The following POU2F1 variants were observed in gnomAD, a reference collection of about 807,000 sequenced individuals.
POU2F1 encodes POU class 2 homeobox 1.
A neutral mutation model predicts 84.9 loss-of-function variants in POU2F1; 16 were observed. The observed-to-expected ratio is 0.19, with a 90% CI of 0.13 to 0.29. POU2F1 has a LOEUF of 0.29. POU2F1 is among the 10% of genes least tolerant of loss of function. POU2F1 has a pLI of 1.00. For missense variants in POU2F1, 738 were observed against 942.6 expected (o/e 0.78, Z 2.84); for synonymous variants, 368 against 368.3 (o/e 1.00, Z 0.01).
intron 1 of POU2F1, among the ~76,000 whole-genome samples, chr1:167,279,648 G>A (rs1339146191): frequency 2.0e-5 from 3 of 152,066 alleles, no homozygotes; most frequent in Admixed American, 1.3e-4. Context: ...AACCCTGGAG[G>A]CGGAGATTGC....
chr1:167,297,570 C>T (rs1347066332), intron 1 of POU2F1, among the ~76,000 whole-genome samples: 1 of 152,134 alleles, frequency 6.6e-6, no homozygotes, highest in Admixed American at 6.5e-5. Context: ...GATTTCACTG[C>T]CCAGAATTGA....
chr1:167,331,942 G>T (rs1434430055), intron 1 of POU2F1, among the ~76,000 whole-genome samples: 1 of 151,846 alleles, frequency 6.6e-6, no homozygotes, highest in Non-Finnish European at 1.5e-5. Flanking sequence ...GTTGGGGAGG[G>T]GAGTAAATTT....
intron 1 of POU2F1, among the ~76,000 whole-genome samples, chr1:167,240,519 G>A (rs911188273): frequency 6.6e-6 from 1 of 152,090 alleles, no homozygotes; most frequent in South Asian, 2.1e-4. Context: ...ATAGAGAAGG[G>A]ATTCCTGCTG....
At chr1:167,303,901 TATATC>T (rs1416620552) in intron 1 of POU2F1, among the ~76,000 whole-genome samples, 2 of 152,170 alleles carry the variant, frequency 1.3e-5, no homozygotes, top group Non-Finnish European at 2.9e-5. Flanking sequence ...TCTGTGATGA[TATATC>T]ATTAGCATTA....
At chr1:167,401,363 T>A in intron 12 of POU2F1, 88 bp from the exon 13 acceptor site, 3 of 862,718 alleles carry the variant, frequency 3.5e-6, no homozygotes, top group Non-Finnish European at 5.3e-6. Context: ...GTGTCTCAAT[T>A]CCAAGATCAA....
intron 1 of POU2F1, among the ~76,000 whole-genome samples, chr1:167,329,525 C>T (rs960262953): frequency 3.9e-5 from 6 of 152,008 alleles, no homozygotes; most frequent in South Asian, 2.1e-4. Context: ...CAGAGGGTAT[C>T]GTTAGTAAAT....
intron 8 of POU2F1, among the ~76,000 whole-genome samples, chr1:167,386,974 G>A (rs760998279): frequency 1.3e-5 from 2 of 152,208 alleles, no homozygotes; most frequent in Non-Finnish European, 2.9e-5. Context: ...ATTAGTAGCA[G>A]TTGTATGACT....
intron 1 of POU2F1, among the ~76,000 whole-genome samples, chr1:167,311,109 A>T (rs374401399): frequency 5.3e-5 from 8 of 152,220 alleles, no homozygotes; most frequent in African/African-American, 1.9e-4. Context: ...TAGAAGGCAT[A>T]TACCTATATA....
intron 1 of POU2F1, among the ~76,000 whole-genome samples, chr1:167,270,514 T>C (rs895594053): frequency 6.6e-6 from 1 of 152,180 alleles, no homozygotes; most frequent in Non-Finnish European, 1.5e-5. Flanking sequence ...TCTAAAGATG[T>C]AGCCAGGAAT....
At chr1:167,409,471 A>G (rs1256311058) in intron 13 of POU2F1, among the ~76,000 whole-genome samples, 1 of 152,242 alleles carries the variant, frequency 6.6e-6, no homozygotes, top group East Asian at 1.9e-4. Context: ...TAAATTGCCA[A>G]GTTGCCAAGA....
intron 13 of POU2F1, among the ~76,000 whole-genome samples, chr1:167,407,046 T>C (rs1243551161): frequency 6.6e-6 from 1 of 151,258 alleles, no homozygotes; most frequent in Non-Finnish European, 1.5e-5. Context: ...ATTTTATTAT[T>C]ATTATTATTT....
At chr1:167,340,793 A>G (rs1657797209) in intron 2 of POU2F1, among the ~76,000 whole-genome samples, 1 of 152,124 alleles carries the variant, frequency 6.6e-6, no homozygotes. Flanking sequence ...AGTTGAATAA[A>G]AGACTGATTT....
chr1:167,299,887 G>GGT (rs993492053), intron 1 of POU2F1, among the ~76,000 whole-genome samples: 3 of 152,122 alleles, frequency 2.0e-5, no homozygotes, highest in Admixed American at 1.3e-4. Context: ...TGATACAGTA[G>GGT]GTGTGAGGTA....
intron 1 of POU2F1, among the ~76,000 whole-genome samples, chr1:167,294,156 C>T (rs943140608): frequency 5.1e-5 from 7 of 137,312 alleles, no homozygotes; most frequent in Admixed American, 2.2e-4. Flanking sequence ...AGTGAAACCC[C>T]GTCTCTACTA....
intron 1 of POU2F1, among the ~76,000 whole-genome samples, chr1:167,302,433 G>A (rs1016757284): frequency 6.6e-6 from 1 of 151,826 alleles, no homozygotes; most frequent in Non-Finnish European, 1.5e-5. Context: ...GCTAATTTTT[G>A]TATCTTTTAG....
chr1:167,371,952 G>A lies in POU2F1; in HGVS notation c.318G>A (p.Gln106=), dbSNP rs1430510574. Residue 106 remains glutamine (Q), a synonymous_variant, in exon 5 of 16, where the codon CAG becomes CAA. Transcript: ENST00000367866. ...ATGAAGAATCGGGGGATTCGCAGCAGCCAAGCCAGCCTTCCCAGCAGCCTT... is the reference window on the plus strand; with the variant it reads ...ATGAAGAATCGGGGGATTCGCAGCAACCAAGCCAGCCTTCCCAGCAGCCTT... ...KSNEESGDSQ[Q]PSQPSQQPSV... is the part of the protein sequence containing the mutation. The A allele has an allele frequency of 1.9e-6, 3 of 1,614,182 alleles. No homozygotes were observed. Among genetic ancestry groups the A allele is most frequent in the South Asian group, 1.1e-5 (1 of 91,086 alleles).
chr1:167,299,113 A>G (rs1425875612), intron 1 of POU2F1, among the ~76,000 whole-genome samples: 5 of 147,470 alleles, frequency 3.4e-5, no homozygotes, highest in Non-Finnish European at 3.0e-5. Context: ...TGGTGAGCCG[A>G]TATCGCACCA....
In POU2F1 at chr1:167,232,578, C is replaced by T. The variant is rs191335090; in HGVS notation, c.61+11620C>T. On this transcript the variant is annotated intron_variant, in intron 1 of 15. Coordinates refer to ENST00000367866, the MANE Select transcript of POU2F1 (RefSeq NM_002697.4). ...TTACAGTAGGCCCAGCGTGATGGCT[C>T]ATGCCTGTAATCCCAGCACTTTGGG... 1.7e-3 allele frequency among the ~76,000 whole-genome samples: 253 copies of T among 152,296 alleles called. 2 individuals are homozygous for T. Among genetic ancestry groups the T allele is most frequent in the Non-Finnish European group, 3.4e-4 (23 of 68,024 alleles).
chr1:167,391,381 C>A (rs1245666780), intron 9 of POU2F1, among the ~76,000 whole-genome samples: 1 of 151,908 alleles, frequency 6.6e-6, no homozygotes, highest in Non-Finnish European at 1.5e-5. Flanking sequence ...CTGTTATTTT[C>A]TTTCCAGGGA....
Sources: allele counts gnomAD v4.1 joint callset (sites outside exome capture counted in the v4.1 genomes callset), GRCh38; gene constraint gnomAD v4.1.1; transcripts MANE v1.5; gene names NCBI Gene and HGNC (gene_info 2026-07-23, HGNC 2026-07-21).